LIFR: variants seen among roughly 807,000 people sequenced by gnomAD.
LIFR encodes LIF receptor subunit alpha, also known as leukemia inhibitory factor receptor.
LIFR carries 84 observed loss-of-function variants against 122.2 expected under a neutral mutation model. The observed-to-expected ratio is 0.69, with a 90% CI of 0.58 to 0.82. The LOEUF is 0.82. LIFR is among the 40% of genes least tolerant of loss of function. The pLI, the probability that LIFR is intolerant of heterozygous loss-of-function variation, is 0.00. For missense variants in LIFR, 1,294 were observed against 1,311.6 expected (o/e 0.99, Z 0.21); for synonymous variants, 422 against 434.7 (o/e 0.97, Z 0.36).
At chr5:38,511,288 G>C (rs542329076) in intron 6 of LIFR, among the ~76,000 whole-genome samples, 4 of 152,072 alleles carry the variant, frequency 2.6e-5, no homozygotes, top group South Asian at 4.2e-4. Flanking sequence ...CAGCCTTTCA[G>C]GATTTCATTT....
Position 38,475,646 on chromosome 5 carries a change from G to T in LIFR, c.*5949C>A. 5.4e-6 allele frequency: 1 copy of T among 185,730 alleles called. No homozygotes were observed. The highest frequency in any genetic ancestry group is 1.1e-5 in the Non-Finnish European group (1 of 87,650). 11.5% of individuals were successfully genotyped at this position (185,730 alleles called of 1,614,324 possible). A position where few individuals can be genotyped will look rare whatever the true frequency, so the allele number is the denominator to read the frequency against. ...CATTCATTCTACAAACCTTATAAAA[G>T]ACAGAAACTTATATCTGTTCACAGT... On this transcript the variant is annotated 3_prime_UTR_variant, in exon 20 of 20. Coordinates refer to ENST00000453190, the MANE Select transcript of LIFR (RefSeq NM_001127671.2).
chr5:38,518,799 A>C (rs1746243212), intron 5 of LIFR, among the ~76,000 whole-genome samples: 1 of 152,178 alleles, frequency 6.6e-6, no homozygotes, highest in Non-Finnish European at 1.5e-5. Context: ...AGAAGAAGGC[A>C]TGGTTACCAG....
In LIFR at chr5:38,477,189, G is replaced by T; in HGVS notation, c.*4406C>A. ...GGAATAAAAAAATCTAACCACCATA[G>T]CAAAATAAGGGGTTTAAGTATTATT... On this transcript the variant is annotated 3_prime_UTR_variant, in exon 20 of 20. Coordinates refer to ENST00000453190, the MANE Select transcript of LIFR (RefSeq NM_001127671.2). 1 of 220,748 alleles carries T rather than the reference G, an allele frequency of 4.5e-6. No homozygotes were observed. Among genetic ancestry groups the T allele is most frequent in the East Asian group, 6.7e-5 (1 of 14,948 alleles). 13.7% of individuals were successfully genotyped at this position (220,748 alleles called of 1,614,324 possible).
intron 1 of LIFR, chr5:38,606,395 C>T (rs903277548): frequency 4.6e-5 from 7 of 152,076 alleles, no homozygotes; most frequent in African/African-American, 1.7e-4. Flanking sequence ...TTTAAATTAC[C>T]AGATCTAGCC....
chr5:38,474,680 C>A lies in LIFR; in HGVS notation c.*6915G>T, dbSNP rs867786668. 6.6e-6 allele frequency among the ~76,000 whole-genome samples: 1 copy of A among 152,078 alleles called. No homozygotes were observed. The highest frequency in any genetic ancestry group is 2.1e-4 in the South Asian group (1 of 4,822). ...AAACTAAAAACCATTACTTTAAAGA[C>A]CAGTATTTATTATTTATTTGCTAAT... On this transcript the variant is annotated 3_prime_UTR_variant, in exon 20 of 20. Transcript: ENST00000453190.
At chr5:38,604,970 G>A (rs1750296171) in intron 2 of LIFR, among the ~76,000 whole-genome samples, 1 of 152,154 alleles carries the variant, frequency 6.6e-6, no homozygotes, top group African/African-American at 2.4e-5. Context: ...GGTTGAAAGA[G>A]TTACTCTCAG....
intron 1 of LIFR, among the ~76,000 whole-genome samples, chr5:38,547,950 A>C (rs559026892): frequency 5.6e-4 from 85 of 152,310 alleles, no homozygotes; most frequent in African/African-American, 1.9e-3. Context: ...TACAGTAAAA[A>C]TATAGTATCA....
intron 1 of LIFR, among the ~76,000 whole-genome samples, chr5:38,575,204 G>T (rs1179871967): frequency 6.6e-6 from 1 of 152,132 alleles, no homozygotes; most frequent in Non-Finnish European, 1.5e-5. Flanking sequence ...ATTCCACTTA[G>T]AAAAAGTTCA....
In LIFR at chr5:38,531,820, C is replaced by T. The variant is rs574382345; in HGVS notation, c.-19-1154G>A. Among the ~76,000 whole-genome samples the T allele has an allele frequency of 9.3e-4, 141 of 152,262 alleles. 1 individual carries two copies. Among genetic ancestry groups the T allele is most frequent in the South Asian group, 5.8e-3 (28 of 4,818 alleles). ...GAAAGCAGATGGCAAGATCTCTTCTCGGCTACTGTCAAGTACTGTCAAAAA... is the reference window on the plus strand; with the variant it reads ...GAAAGCAGATGGCAAGATCTCTTCTTGGCTACTGTCAAGTACTGTCAAAAA... On this transcript the variant is annotated intron_variant, in intron 1 of 19. Coordinates refer to ENST00000453190, the MANE Select transcript of LIFR (RefSeq NM_001127671.2).
At chr5:38,501,826 T>G (rs1745196386) in intron 11 of LIFR, among the ~76,000 whole-genome samples, 1 of 152,070 alleles carries the variant, frequency 6.6e-6, no homozygotes, top group Non-Finnish European at 1.5e-5. Flanking sequence ...TATCATTCTG[T>G]CTTTGGAAAT....
upstream of LIFR, chr5:38,557,765 G>A (rs1748662397): frequency 6.5e-6 from 1 of 153,768 alleles, no homozygotes; most frequent in Admixed American, 6.5e-5. Flanking sequence ...TTACTGAAAA[G>A]TAGACTCCCA....
upstream of LIFR, among the ~76,000 whole-genome samples, chr5:38,559,432 C>G (rs1434880814): frequency 8.5e-5 from 13 of 152,248 alleles, no homozygotes; most frequent in East Asian, 1.7e-3. Context: ...TGAATTAATC[C>G]ATATGGACTC....
At chr5:38,567,036 A>G (rs751009514) in intron 1 of LIFR, among the ~76,000 whole-genome samples, 2 of 152,244 alleles carry the variant, frequency 1.3e-5, no homozygotes, top group Non-Finnish European at 2.9e-5. Flanking sequence ...GAGATGACCC[A>G]GTCTAAGTGA....
At chr5:38,575,529 A>G (rs1749356785) in intron 1 of LIFR, among the ~76,000 whole-genome samples, 1 of 152,196 alleles carries the variant, frequency 6.6e-6, no homozygotes, top group Non-Finnish European at 1.5e-5. Context: ...AGAGCTTCCT[A>G]TACATGAAAA....
At chr5:38,524,338 T>C (rs546291511) in intron 4 of LIFR, among the ~76,000 whole-genome samples, 187 of 152,228 alleles carry the variant, frequency 1.2e-3, no homozygotes, top group African/African-American at 4.3e-3. Flanking sequence ...TAGCAGGATA[T>C]AAGAAGTGTG....
rs1014756786 is a variant in LIFR, at chr5:38,478,579, A to T, written c.*3016T>A. On this transcript the variant is annotated 3_prime_UTR_variant, in exon 20 of 20. Coordinates refer to ENST00000453190, the MANE Select transcript of LIFR (RefSeq NM_001127671.2). ...AAGGTTCATCTAATGTTAAAAGTCT[A>T]GCTAAGTCTTTAATAATTTAATATT... 5.3e-6 allele frequency: 1 copy of T among 188,708 alleles called. No individual in the cohort carries two copies. The allele number at this position is 188,708 out of a possible 1,614,324, so 11.7% of individuals were successfully genotyped here.
upstream of LIFR, among the ~76,000 whole-genome samples, chr5:38,598,245 A>AT (rs1396004381): frequency 1.1e-3 from 51 of 46,794 alleles, 1 homozygote; most frequent in Middle Eastern, 0.014. Flanking sequence ...TTATTTATTT[A>AT]TTTTTTTTTT....
chr5:38,496,287 G>C, intron 13 of LIFR, 95 bp downstream of exon 13: 1 of 991,562 alleles, frequency 1.0e-6, no homozygotes, highest in Non-Finnish European at 1.6e-6. Flanking sequence ...CAAGGTATAC[G>C]AGAAGAAGGC....
chr5:38,566,619 C>G (rs1221470582), intron 1 of LIFR, among the ~76,000 whole-genome samples: 1 of 152,110 alleles, frequency 6.6e-6, no homozygotes, highest in African/African-American at 2.4e-5. Context: ...AGTCACAGGC[C>G]TTTTTAGAAC....
Sources: allele counts gnomAD v4.1 joint callset (sites outside exome capture counted in the v4.1 genomes callset), GRCh38; gene constraint gnomAD v4.1.1; transcripts MANE v1.5; gene names NCBI Gene and HGNC (gene_info 2026-07-23, HGNC 2026-07-21).